The following PARD3B variants were observed in gnomAD, a reference collection of about 807,000 sequenced individuals.
PARD3B encodes the protein par-3 family cell polarity regulator beta, also known as partitioning defective 3 homolog B.
Under a neutral mutation model 130.2 loss-of-function variants are expected in PARD3B, and 103 were observed. That is an observed-to-expected ratio of 0.79 (90% CI 0.67 to 0.93). PARD3B has a LOEUF of 0.93. Among genes scored for constraint, PARD3B ranks in the 40% least tolerant of loss-of-function variants. The pLI, the probability that PARD3B is intolerant of heterozygous loss-of-function variation, is 0.00. For synonymous variants in PARD3B, 583 were observed against 553.2 expected, an observed-to-expected ratio of 1.05 and a Z score of -0.76; for missense variants, 1,609 against 1,499.2, an observed-to-expected ratio of 1.07 and a Z score of -1.21.
At chr2:205,167,843 G>T (rs2034906460) in intron 11 of PARD3B, among the ~76,000 whole-genome samples, 2 of 152,186 alleles carry the variant, frequency 1.3e-5, no homozygotes, top group Non-Finnish European at 1.5e-5. Flanking sequence ...ATAGCAGAGA[G>T]TAGCATTTAT....
At chr2:205,501,066 G>A (rs1341699185) in intron 21 of PARD3B, among the ~76,000 whole-genome samples, 6 of 152,102 alleles carry the variant, frequency 3.9e-5, no homozygotes, top group Admixed American at 2.0e-4. Context: ...AGAGTCTGGC[G>A]ACTGAGCTGA....
At chr2:204,875,709 A>G (rs570575368) in intron 2 of PARD3B, among the ~76,000 whole-genome samples, 1 of 152,270 alleles carries the variant, frequency 6.6e-6, no homozygotes, top group South Asian at 2.1e-4. Flanking sequence ...GCAGTTCTTA[A>G]TCTGTTTTGA....
intron 12 of PARD3B, among the ~76,000 whole-genome samples, chr2:205,175,904 G>A (rs74617030): frequency 0.47 from 71,749 of 151,596 alleles, 17,667 homozygotes; most frequent in Non-Finnish European, 0.55. Context: ...TATAGGGGGG[G>A]AACCCTCAGG....
At chr2:204,805,093 G>A (rs1221225402) in intron 2 of PARD3B, among the ~76,000 whole-genome samples, 2 of 151,974 alleles carry the variant, frequency 1.3e-5, no homozygotes, top group African/African-American at 4.8e-5. Context: ...GATGAGAGCT[G>A]AAGTAAATAA....
intron 2 of PARD3B, among the ~76,000 whole-genome samples, chr2:204,753,889 CA>C (rs1346591005): frequency 6.6e-6 from 1 of 151,892 alleles, no homozygotes; most frequent in Non-Finnish European, 1.5e-5. Context: ...TCATCTCTAC[CA>C]AAAAATTAAA....
chr2:205,001,259 A>T (rs1694807430), intron 3 of PARD3B, among the ~76,000 whole-genome samples: 1 of 152,160 alleles, frequency 6.6e-6, no homozygotes, highest in African/African-American at 2.4e-5. Flanking sequence ...AAAATGCTGG[A>T]AATACAGGCG....
At chr2:204,614,033 G>T (rs1207617154) in intron 1 of PARD3B, among the ~76,000 whole-genome samples, 1 of 151,872 alleles carries the variant, frequency 6.6e-6, no homozygotes, top group African/African-American at 2.4e-5. Context: ...TAAATGTCTA[G>T]ATTTATAGGT....
rs2033728740 is a variant in PARD3B, at chr2:204,606,441, C to T, written c.120+60322C>T. Among the ~76,000 whole-genome samples the T allele has an allele frequency of 6.6e-6, 1 of 152,126 alleles. No homozygotes were observed. The highest frequency in any genetic ancestry group is 1.5e-5 in the Non-Finnish European group (1 of 68,018). On this transcript the variant is annotated intron_variant, in intron 1 of 22. Transcript: ENST00000406610. This position sits in a 1 kb window ranked among gnomAD's most constrained non-coding sequence, Gnocchi z 4.0. The stretch of plus-strand genomic sequence containing the variant: ...GGTCCCTGGCTGATGAAGGCTCCAT[C>T]TTAAACATTTTTCCATGATCCAGAA...
At chr2:204,944,821 C>T (rs770605398) in intron 2 of PARD3B, among the ~76,000 whole-genome samples, 1 of 152,178 alleles carries the variant, frequency 6.6e-6, no homozygotes, top group Non-Finnish European at 1.5e-5. Context: ...CTTCCTCCAC[C>T]ATGGCCTTCT....
chr2:204,755,256 T>C (rs1170080047), intron 2 of PARD3B, among the ~76,000 whole-genome samples: 3 of 152,084 alleles, frequency 2.0e-5, no homozygotes, highest in Non-Finnish European at 4.4e-5. Flanking sequence ...CAGTGAACAC[T>C]AGTGTTCAGA....
chr2:204,757,600 A>G (rs1486330326), intron 2 of PARD3B, among the ~76,000 whole-genome samples: 8 of 152,002 alleles, frequency 5.3e-5, no homozygotes, highest in Non-Finnish European at 1.2e-4. Context: ...TAATGGGGTT[A>G]TTTTGGAATC....
At chr2:204,616,665 A>G (rs544017530) in intron 1 of PARD3B, among the ~76,000 whole-genome samples, 2 of 152,340 alleles carry the variant, frequency 1.3e-5, no homozygotes, top group African/African-American at 2.4e-5. Context: ...AAATCTGCAC[A>G]TGTATATTTA....
intron 4 of PARD3B, among the ~76,000 whole-genome samples, chr2:205,087,823 A>G (rs1559424652): frequency 8.5e-6 from 1 of 118,104 alleles, no homozygotes; most frequent in Non-Finnish European, 2.2e-5. Flanking sequence ...CAGCTCTACC[A>G]GGCTTGAAGT....
chr2:205,308,441 C>G (rs1473820763), intron 18 of PARD3B, among the ~76,000 whole-genome samples: 2 of 151,848 alleles, frequency 1.3e-5, no homozygotes, highest in Non-Finnish European at 2.9e-5. Context: ...CCCGTCTCTA[C>G]TAAAAAATAC....
intron 2 of PARD3B, among the ~76,000 whole-genome samples, chr2:204,705,758 T>G (rs963283258): frequency 1.4e-4 from 21 of 151,966 alleles, no homozygotes; most frequent in African/African-American, 4.4e-4. Flanking sequence ...TGCTTAAGAG[T>G]AGGTGAACAA....
At chr2:204,792,622 T>A (rs1259770577) in intron 2 of PARD3B, among the ~76,000 whole-genome samples, 1 of 152,126 alleles carries the variant, frequency 6.6e-6, no homozygotes, top group African/African-American at 2.4e-5. Flanking sequence ...TCTCCACCAC[T>A]GTCCATTCTT....
At chr2:204,593,628 G>A (rs1334717623) in intron 1 of PARD3B, among the ~76,000 whole-genome samples, 1 of 152,070 alleles carries the variant, frequency 6.6e-6, no homozygotes, top group African/African-American at 2.4e-5. Context: ...ACTTTTATTT[G>A]GCTCTATTTA....
At position 205,592,475 on chromosome 2, in the gene PARD3B, G is replaced by A. The variant is rs1437507312; in HGVS notation, c.3261-22981G>A. Among the ~76,000 whole-genome samples, 2 of 152,136 alleles carry A rather than the reference G, an allele frequency of 1.3e-5. No homozygotes were observed. The highest frequency in any genetic ancestry group is 2.9e-5 in the Non-Finnish European group (2 of 68,038). Reference sequence around the variant, plus strand: ...ATATTGGGTGCCTACCATGAGCCAGGCACTGGAGAGTGAACGGTGAACTCG... The same window carrying A: ...ATATTGGGTGCCTACCATGAGCCAGACACTGGAGAGTGAACGGTGAACTCG... On this transcript the variant is annotated intron_variant, in intron 22 of 22. Coordinates refer to ENST00000406610, the MANE Select transcript of PARD3B (RefSeq NM_001302769.2). The surrounding 1 kb of genome is among the most constrained non-coding windows in gnomAD (Gnocchi z 4.5).
At chr2:205,455,522 C>A (rs1332803408) in intron 20 of PARD3B, among the ~76,000 whole-genome samples, 1 of 151,758 alleles carries the variant, frequency 6.6e-6, no homozygotes, top group Non-Finnish European at 1.5e-5. Context: ...ACAAAATGTT[C>A]TTAATTCTCA....
Sources: gnomAD v4.1 joint callset for allele counts (sites outside exome capture counted in the v4.1 genomes callset) on GRCh38, gnomAD v4.1.1 for gene constraint, Gnocchi (gnomAD v3.1) non-coding constraint, MANE v1.5 for transcripts, NCBI Gene and HGNC (gene_info 2026-07-23, HGNC 2026-07-21) for gene names.